SCAPER: variants seen among roughly 807,000 people sequenced by gnomAD.
The protein encoded by SCAPER is S-phase cyclin A associated protein in the ER.
A neutral mutation model predicts 182.2 loss-of-function variants in SCAPER; 98 were observed. The observed-to-expected ratio is 0.54, with a 90% CI of 0.46 to 0.64. SCAPER has a LOEUF of 0.64. Ranked by LOEUF, SCAPER falls within the 30% of genes least tolerant of loss-of-function variation. SCAPER has a pLI of 0.00. For synonymous variants in SCAPER, 605 were observed against 564.6 expected, an observed-to-expected ratio of 1.07 and a Z score of -1.01; for missense variants, 1,432 against 1,690.0, an observed-to-expected ratio of 0.85 and a Z score of 2.68.
chr15:76,795,462 T>A, intron 7 of SCAPER, 22 bp from the exon 8 acceptor site: 3 of 1,453,878 alleles, frequency 2.1e-6, no homozygotes, highest in Non-Finnish European at 2.7e-6. Context: ...AATAAACACA[T>A]TTAATAAATT....
intron 27 of SCAPER, among the ~76,000 whole-genome samples, chr15:76,389,264 G>T (rs2043493093): frequency 6.6e-6 from 1 of 151,946 alleles, no homozygotes; most frequent in South Asian, 2.1e-4. Flanking sequence ...ACTTTGGGAG[G>T]CTGAGGTGGG....
chr15:76,429,003 G>A (rs959271407), intron 26 of SCAPER, among the ~76,000 whole-genome samples: 2 of 151,160 alleles, frequency 1.3e-5, no homozygotes, highest in African/African-American at 4.9e-5. Flanking sequence ...GACTTGGTGG[G>A]AGGCAATCGA....
chr15:76,760,329 AC>A (rs932863782), intron 14 of SCAPER, among the ~76,000 whole-genome samples: 32 of 152,332 alleles, frequency 2.1e-4, no homozygotes, highest in Admixed American at 3.3e-4. Context: ...TAAAGGAAAC[AC>A]TTTACTTACT....
At chr15:76,708,955 A>G (rs2059415324) in intron 17 of SCAPER, among the ~76,000 whole-genome samples, 1 of 151,948 alleles carries the variant, frequency 6.6e-6, no homozygotes, top group Non-Finnish European at 1.5e-5. Flanking sequence ...CATCCCAGCT[A>G]CTTGGCAGGC....
intron 25 of SCAPER, among the ~76,000 whole-genome samples, chr15:76,462,546 C>T (rs1460173174): frequency 6.6e-6 from 1 of 152,110 alleles, no homozygotes; most frequent in Non-Finnish European, 1.5e-5. Flanking sequence ...AATTGTTTTA[C>T]TGAAACCTTT....
chr15:76,691,537 A>T (rs1326937626), intron 20 of SCAPER, among the ~76,000 whole-genome samples: 1 of 152,180 alleles, frequency 6.6e-6, no homozygotes, highest in Non-Finnish European at 1.5e-5. Flanking sequence ...ATAAAGAGGA[A>T]TGAACTTACT....
At chr15:76,811,301 C>T (rs1001889782) in intron 5 of SCAPER, among the ~76,000 whole-genome samples, 6 of 151,746 alleles carry the variant, frequency 4.0e-5, no homozygotes, top group Admixed American at 2.0e-4. Flanking sequence ...GTTTTCCAAC[C>T]GCAATTGAAT....
intron 2 of SCAPER, among the ~76,000 whole-genome samples, chr15:76,864,197 G>A (rs777683223): frequency 1.3e-5 from 2 of 152,154 alleles, no homozygotes; most frequent in Non-Finnish European, 2.9e-5. Flanking sequence ...TATACTGATT[G>A]ATTTCAATCC....
At chr15:76,732,618 T>C (rs1373348635) in intron 16 of SCAPER, among the ~76,000 whole-genome samples, 2 of 151,952 alleles carry the variant, frequency 1.3e-5, no homozygotes. Flanking sequence ...ACCCACTACT[T>C]AGCAGACCGG....
intron 26 of SCAPER, among the ~76,000 whole-genome samples, chr15:76,410,507 T>C (rs559045663): frequency 6.6e-6 from 1 of 152,342 alleles, no homozygotes; most frequent in South Asian, 2.1e-4. Context: ...TCTTCATATT[T>C]TTAAATGAAT....
intron 26 of SCAPER, among the ~76,000 whole-genome samples, chr15:76,418,453 C>T (rs1270762899): frequency 6.6e-6 from 1 of 152,186 alleles, no homozygotes; most frequent in Non-Finnish European, 1.5e-5. Flanking sequence ...ATCTGTAAAC[C>T]TGAACTCTCT....
chr15:76,885,376 T>A (rs747877572), intron 1 of SCAPER, among the ~76,000 whole-genome samples: 1 of 152,192 alleles, frequency 6.6e-6, no homozygotes, highest in Non-Finnish European at 1.5e-5. Context: ...ATGCCAGACA[T>A]ATTCTAGCAT....
intron 26 of SCAPER, among the ~76,000 whole-genome samples, chr15:76,426,618 A>G (rs2046453288): frequency 6.6e-6 from 1 of 152,304 alleles, no homozygotes; most frequent in Admixed American, 6.5e-5. Flanking sequence ...AATAATTAAT[A>G]TTGTTAAAAT....
intron 25 of SCAPER, among the ~76,000 whole-genome samples, chr15:76,451,034 C>T (rs1009021567): frequency 6.6e-6 from 1 of 152,206 alleles, no homozygotes; most frequent in Non-Finnish European, 1.5e-5. Flanking sequence ...CCTTTTGCCC[C>T]TGTGGGCATA....
At chr15:76,603,740 G>A (rs1471349700) in intron 22 of SCAPER, among the ~76,000 whole-genome samples, 1 of 121,498 alleles carries the variant, frequency 8.2e-6, no homozygotes, top group African/African-American at 2.5e-5. Context: ...GTGTGAGATG[G>A]TATCTCATTG....
At chr15:76,873,577 G>C (rs927940003) in intron 2 of SCAPER, among the ~76,000 whole-genome samples, 1 of 152,012 alleles carries the variant, frequency 6.6e-6, no homozygotes, top group Non-Finnish European at 1.5e-5. Flanking sequence ...ATTGAAATAA[G>C]AGAAAAATAC....
At chr15:76,693,993 C>T (rs35395069) in intron 20 of SCAPER, among the ~76,000 whole-genome samples, 57,712 of 151,758 alleles carry the variant, frequency 0.38, 13,012 homozygotes, top group Middle Eastern at 0.52. Context: ...CGGTAACTAT[C>T]GCTTTGTATT....
At chr15:76,839,139 G>C (rs548055075) in intron 5 of SCAPER, among the ~76,000 whole-genome samples, 1 of 152,330 alleles carries the variant, frequency 6.6e-6, no homozygotes, top group East Asian at 1.9e-4. Flanking sequence ...TACAAAGTTA[G>C]CATCTAGTCA....
intron 8 of SCAPER, among the ~76,000 whole-genome samples, chr15:76,780,329 G>A (rs1365067769): frequency 6.6e-6 from 1 of 152,236 alleles, no homozygotes; most frequent in Non-Finnish European, 1.5e-5. Flanking sequence ...AGGGGGAGGG[G>A]CATCCGCCAT....
Sources: allele counts gnomAD v4.1 joint callset (sites outside exome capture counted in the v4.1 genomes callset), GRCh38; gene constraint gnomAD v4.1.1; transcripts MANE v1.5; gene names NCBI Gene and HGNC (gene_info 2026-07-23, HGNC 2026-07-21).